Variants in REXO4 observed in about 807,000 individuals in gnomAD.
REXO4 encodes RNA exonuclease 4.
Under a neutral mutation model 39.9 loss-of-function variants are expected in REXO4, and 29 were observed. The observed-to-expected ratio is 0.73, with a 90% CI of 0.54 to 0.99. The LOEUF (loss-of-function observed/expected upper bound fraction) is 0.99, where lower values mean the gene tolerates loss of function less well. REXO4 is among the 50% of genes least tolerant of loss of function. REXO4 has a pLI of 0.00. For synonymous variants in REXO4, 184 were observed against 206.2 expected (o/e 0.89, Z 0.92); for missense variants, 524 against 546.5 (o/e 0.96, Z 0.41).
Position 133,408,759 on chromosome 9 carries a change from T to G in REXO4, c.1074+9A>C. The G allele has an allele frequency of 6.4e-7, 1 of 1,570,492 alleles. No homozygotes were observed. Among genetic ancestry groups the G allele is most frequent in the South Asian group, 1.1e-5 (1 of 89,404 alleles). The stretch of plus-strand genomic sequence containing the variant: ...ATACAGTATCTTGAGTCACACTCAT[T>G]CTAAGTACCTTTACTTGACTCTTGA... On this transcript the variant is annotated intron_variant, in intron 6 of 7. Transcript: ENST00000371942.
At position 133,406,944 on chromosome 9, in the gene REXO4, G is replaced by GCAGGA. The variant is rs782577465; in HGVS notation, c.*4_*8dup. 1.9e-6 allele frequency: 3 copies of GCAGGA among 1,609,686 alleles called. No individual in the cohort carries two copies. The East Asian group carries it at 6.7e-5, about 36-fold the overall frequency. On this transcript the variant is annotated 3_prime_UTR_variant, in exon 8 of 8. Coordinates refer to ENST00000371942, the MANE Select transcript of REXO4 (RefSeq NM_020385.4). Reference sequence around the variant, plus strand: ...GTAGCGGGGCGGCAGCAGCAGCAGGGCAGGACTGCTAGGCGTCGTCACTGC... The same window carrying GCAGGA: ...GTAGCGGGGCGGCAGCAGCAGCAGGGCAGGACAGGACTGCTAGGCGTCGTCACTGC...
chr9:133,415,780 G>C (rs905961885), intron 1 of REXO4: 1 of 152,196 alleles, frequency 6.6e-6, no homozygotes, highest in African/African-American at 2.4e-5. Flanking sequence ...TTCTTTCTTG[G>C]GAGAAGGAAG....
chr9:133,414,812 G>A lies in REXO4; in HGVS notation c.425C>T (p.Ala142Val), dbSNP rs988432346. The change falls in exon 2 of 8, where the codon GCG becomes GTG. Residue 142 changes from alanine to valine, a missense_variant. Physicochemically the swap from Ala to Val is moderately conservative, Grantham distance 64 (BLOSUM62 0). Transcript: ENST00000371942. Reference sequence around the variant, plus strand: ...ACTGGCCTTGGTGCGAGGTACTGGCGCCCTCCTGTCCATCTTGGAACCTGA... The same window carrying A: ...ACTGGCCTTGGTGCGAGGTACTGGCACCCTCCTGTCCATCTTGGAACCTGA... ...VPSGSKMDRR[A>V]PVPRTKASGT... The A allele has an allele frequency of 1.6e-5, 26 of 1,614,116 alleles. No individual in the cohort carries two copies. The highest frequency in any genetic ancestry group is 1.6e-4 in the Middle Eastern group (1 of 6,062).
Position 133,414,840 on chromosome 9 carries a change from G to C in REXO4, c.397C>G (p.Pro133Ala). 1 of 1,614,194 alleles carries C rather than the reference G, an allele frequency of 6.2e-7. No individual in the cohort carries two copies. The highest frequency in any genetic ancestry group is 8.5e-7 in the Non-Finnish European group (1 of 1,180,042). ...CTCCTGTCCATCTTGGAACCTGAAG[G>C]AACAGAGCCCCTGCTGGCCTCCTGG... ...KDQEASRGSVPSGSKMDRRAP... is the reference protein window; with the variant it reads ...KDQEASRGSVASGSKMDRRAP... The change falls in exon 2 of 8, where the codon CCT becomes GCT. Residue 133 changes from proline to alanine, a missense_variant. By Grantham distance (27) the Pro-to-Ala change is conservative. Coordinates refer to ENST00000371942, the MANE Select transcript of REXO4 (RefSeq NM_020385.4).
intron 2 of REXO4, among the ~76,000 whole-genome samples, chr9:133,413,154 A>G (rs1052650172): frequency 1.3e-5 from 2 of 151,954 alleles, no homozygotes; most frequent in African/African-American, 4.8e-5. Flanking sequence ...CCTGGAGTGC[A>G]GTGGCATGAT....
rs587647985 is a variant in REXO4, at chr9:133,414,047, C to T, written c.572+618G>A. Reference sequence around the variant, plus strand: ...AAGGCCACTGACTCCCGGTCCACCCCACGTGGGTGGCCAGCACAGGGTTTA... The same window carrying T: ...AAGGCCACTGACTCCCGGTCCACCCTACGTGGGTGGCCAGCACAGGGTTTA... On this transcript the variant is annotated intron_variant, in intron 2 of 7. Transcript: ENST00000371942. 4.6e-5 allele frequency among the ~76,000 whole-genome samples: 7 copies of T among 152,376 alleles called. No homozygotes were observed. In the East Asian group the frequency reaches 1.3e-3, roughly 29 times the overall value.
intron 5 of REXO4, among the ~76,000 whole-genome samples, chr9:133,409,241 A>G (rs782612807): frequency 2.0e-5 from 3 of 152,288 alleles, no homozygotes; most frequent in African/African-American, 4.8e-5. Context: ...TGCTGGGATT[A>G]CAGGTGTGAG....
At chr9:133,409,269 C>CA (rs1017716346) in intron 5 of REXO4, among the ~76,000 whole-genome samples, 7 of 152,024 alleles carry the variant, frequency 4.6e-5, no homozygotes, top group African/African-American at 1.7e-4. Context: ...GGCTGCCCTG[C>CA]AAGTAACATC....
rs7871336 is a variant in REXO4 at position 133,406,101 on chromosome 9, C to T, written c.*852G>A. Reference sequence around the variant, plus strand: ...CTGCATTTATTTTAAATCGCATCCTCGGTGTGTCTGCCCCTTTTCTGTCCA... The same window carrying T: ...CTGCATTTATTTTAAATCGCATCCTTGGTGTGTCTGCCCCTTTTCTGTCCA... On this transcript the variant is annotated 3_prime_UTR_variant, in exon 8 of 8. Transcript: ENST00000371942. 7,235 of 152,322 alleles carry T rather than the reference C, an allele frequency of 0.047. 565 individuals carry two copies. Among genetic ancestry groups the T allele is most frequent in the African/African-American group, 0.16 (6,713 of 41,526 alleles). 9.4% of individuals were successfully genotyped at this position (152,322 alleles called of 1,614,324 possible).
intron 1 of REXO4, among the ~76,000 whole-genome samples, chr9:133,416,312 A>G (rs991804389): frequency 1.3e-5 from 2 of 152,190 alleles, no homozygotes; most frequent in Middle Eastern, 3.2e-3. Flanking sequence ...ATCTACCCCC[A>G]TGACCCAATA....
intron 4 of REXO4, among the ~76,000 whole-genome samples, chr9:133,411,746 G>A (rs375161358): frequency 3.5e-4 from 53 of 152,096 alleles, no homozygotes; most frequent in African/African-American, 1.1e-3. Context: ...GACCAATGTG[G>A]AGAAACCCTG....
At chr9:133,413,158 G>T (rs1281353237) in intron 2 of REXO4, among the ~76,000 whole-genome samples, 2 of 152,110 alleles carry the variant, frequency 1.3e-5, no homozygotes, top group Admixed American at 1.3e-4. Context: ...GAGTGCAGTG[G>T]CATGATCTTG....
rs374838582 is a variant in REXO4 at position 133,417,742 on chromosome 9, T to C, written c.103A>G (p.Lys35Glu). ...TLTRKKNKKKKRFWKSKAREV... is the reference protein window; with the variant it reads ...TLTRKKNKKKERFWKSKAREV... ...CGCGCCTTGCTTTTCCAAAACCTTTTTTTCTTCTTGTTTTTCTTCCGAGTG... is the reference window on the plus strand; with the variant it reads ...CGCGCCTTGCTTTTCCAAAACCTTTCTTTCTTCTTGTTTTTCTTCCGAGTG... Residue 35 changes from lysine to glutamate, a missense_variant, in exon 1 of 8, where the codon AAA becomes GAA. Physicochemically the swap from Lys to Glu is moderately conservative, Grantham distance 56. Coordinates refer to ENST00000371942, the MANE Select transcript of REXO4 (RefSeq NM_020385.4). 2 of 1,613,878 alleles carry C rather than the reference T, an allele frequency of 1.2e-6. No homozygotes were observed. Among genetic ancestry groups the C allele is most frequent in the African/African-American group, 1.3e-5 (1 of 74,946 alleles).
In REXO4 at chr9:133,409,219, G is replaced by A. The variant is rs587721317; in HGVS notation, c.1000-377C>T. Among the ~76,000 whole-genome samples the A allele has an allele frequency of 4.6e-5, 7 of 152,052 alleles. No homozygotes were observed. In the South Asian group the frequency reaches 6.2e-4, roughly 14 times the overall value. On this transcript the variant is annotated intron_variant, in intron 5 of 7. Coordinates refer to ENST00000371942, the MANE Select transcript of REXO4 (RefSeq NM_020385.4). ...TGACCTCAGGTGATCCACCCGCCTC[G>A]GCCTCCCAAAGTGCTGGGATTACAG...
In REXO4 at chr9:133,413,749, C is replaced by T. The variant is rs587735179; in HGVS notation, c.573-828G>A. Among the ~76,000 whole-genome samples the T allele has an allele frequency of 1.6e-4, 25 of 152,294 alleles. No homozygotes were observed. In the South Asian group the frequency reaches 3.1e-3, roughly 19 times the overall value. ...ATGGACACGTCCCTCTTGTTCCAGG[C>T]GCCCAATACCTTCTCCTCACTAGAT... On this transcript the variant is annotated intron_variant, in intron 2 of 7. Coordinates refer to ENST00000371942, the MANE Select transcript of REXO4 (RefSeq NM_020385.4).
intron 7 of REXO4, among the ~76,000 whole-genome samples, 181 bp from the exon 8 acceptor site, chr9:133,407,253 C>T (rs961233569): frequency 9.9e-5 from 15 of 152,136 alleles, no homozygotes; most frequent in African/African-American, 2.7e-4. Flanking sequence ...GAGGGAGCAA[C>T]GACCTGATGG....
chr9:133,407,014 C>A lies in REXO4; in HGVS notation c.1208G>T (p.Ser403Ile). Residue 403 changes from serine (S) to isoleucine (I), a missense_variant, in exon 8 of 8, where the codon AGC becomes ATC. Transcript: ENST00000371942. Reference sequence around the variant, plus strand: ...CAGGGGGCGCCTGTCTCGGGCCATGCTCTCCCACTCCTTCTTCACCATGAC... The same window carrying A: ...CAGGGGGCGCCTGTCTCGGGCCATGATCTCCCACTCCTTCTTCACCATGAC... ...LYVMVKKEWE[S>I]MARDRRPLLT... 6.2e-7 allele frequency: 1 copy of A among 1,613,262 alleles called. No homozygotes were observed. The highest frequency in any genetic ancestry group is 8.5e-7 in the Non-Finnish European group (1 of 1,180,010).
intron 7 of REXO4, 44 bp from the exon 8 acceptor site, chr9:133,407,116 C>A: frequency 1.2e-6 from 2 of 1,607,986 alleles, no homozygotes. Context: ...GGCATAGCCG[C>A]AGCCCACAGT....
In REXO4 at chr9:133,406,958, C is replaced by T. The variant is rs782558613; in HGVS notation, c.1264G>A (p.Ala422Thr). The T allele has an allele frequency of 9.3e-6, 15 of 1,611,028 alleles. No homozygotes were observed. The highest frequency in any genetic ancestry group is 6.6e-5 in the South Asian group (6 of 91,074). Residue 422 changes from alanine (A) to threonine (T), a missense_variant, in exon 8 of 8, where the codon GCC becomes ACC. Transcript: ENST00000371942. ...GCAGCAGCAGGGCAGGACTGCTAGG[C>T]GTCGTCACTGCAGTGGTCTGGAGCA... ...LTAPDHCSDDA is the reference protein window; with the variant it reads ...LTAPDHCSDDT
Sources: gnomAD v4.1 joint callset for allele counts (sites outside exome capture counted in the v4.1 genomes callset) on GRCh38, gnomAD v4.1.1 for gene constraint, MANE v1.5 for transcripts, NCBI Gene and HGNC (gene_info 2026-07-23, HGNC 2026-07-21) for gene names.